The following DENND4C variants were observed in gnomAD, a reference collection of about 807,000 sequenced individuals.
DENND4C encodes the protein DENN domain-containing protein 4C.
In DENND4C, 108 loss-of-function variants were observed where a neutral mutation model predicts 203.0. The ratio of observed to expected loss-of-function variants is 0.53; its 90% CI spans 0.46 to 0.62. The LOEUF (loss-of-function observed/expected upper bound fraction) is 0.62. Ranked by LOEUF, DENND4C falls within the 20% of genes least tolerant of loss-of-function variation. The pLI is 0.00. For synonymous variants in DENND4C, 871 were observed against 792.4 expected, an observed-to-expected ratio of 1.10 and a Z score of -1.67; for missense variants, 2,481 against 2,301.2, an observed-to-expected ratio of 1.08 and a Z score of -1.60.
intron 13 of DENND4C, among the ~76,000 whole-genome samples, chr9:19,325,168 A>T (rs1843519965): frequency 6.6e-6 from 1 of 152,042 alleles, no homozygotes; most frequent in Non-Finnish European, 1.5e-5. Flanking sequence ...AAAAATGTTT[A>T]GTTTTATGGG....
chr9:19,272,557 A>G (rs115109365), intron 1 of DENND4C, among the ~76,000 whole-genome samples: 1 of 152,148 alleles, frequency 6.6e-6, no homozygotes, highest in African/African-American at 2.4e-5. Context: ...GTGCCTGGCC[A>G]GAATAGTTTT....
At chr9:19,282,261 T>A (rs1834209276) in intron 2 of DENND4C, among the ~76,000 whole-genome samples, 1 of 151,944 alleles carries the variant, frequency 6.6e-6, no homozygotes, top group Non-Finnish European at 1.5e-5. Context: ...TATTCTTTTA[T>A]TTTTTATTTT....
At chr9:19,286,192 C>T (rs866671223) in intron 2 of DENND4C, among the ~76,000 whole-genome samples, 43 of 152,142 alleles carry the variant, frequency 2.8e-4, no homozygotes, top group Middle Eastern at 3.4e-3. Flanking sequence ...ATTCATTTTT[C>T]AGTTTTCATT....
chr9:19,238,832 T>C (rs1038675426), intron 1 of DENND4C, among the ~76,000 whole-genome samples: 2 of 150,412 alleles, frequency 1.3e-5, no homozygotes, highest in African/African-American at 4.9e-5. Flanking sequence ...TTTATATTTT[T>C]AGTGGAGATG....
rs1825795909 is a variant in DENND4C at position 19,358,228 on chromosome 9, ATTC to A, written c.5160+73_5160+75del. ...CTAAGTATATAGTAGAACATTATAAATTCTTCTGTAGTGGACTTATTTTAATTA... is the reference window on the plus strand; with the variant it reads ...CTAAGTATATAGTAGAACATTATAAATTCTGTAGTGGACTTATTTTAATTA... On this transcript the variant is annotated intron_variant, in intron 28 of 32. Transcript: ENST00000434457. The surrounding 1 kb of genome is among the most constrained non-coding windows in gnomAD (Gnocchi z 4.8). 3.1e-6 allele frequency: 4 copies of A among 1,285,218 alleles called. No homozygotes were observed. The Admixed American group carries it at 9.0e-5, about 29-fold the overall frequency. The allele number at this position is 1,285,218 out of a possible 1,614,324, so 79.6% of individuals were successfully genotyped here. A position where few individuals can be genotyped will look rare whatever the true frequency, so the allele number is the denominator to read the frequency against.
chr9:19,307,291 C>T (rs1223362062), intron 10 of DENND4C, among the ~76,000 whole-genome samples: 1 of 149,084 alleles, frequency 6.7e-6, no homozygotes, highest in Non-Finnish European at 1.5e-5. Flanking sequence ...GCTACACAGG[C>T]AGCTGAGGAG....
intron 1 of DENND4C, among the ~76,000 whole-genome samples, chr9:19,250,021 G>A (rs1405352026): frequency 6.6e-6 from 1 of 152,142 alleles, no homozygotes; most frequent in African/African-American, 2.4e-5. Flanking sequence ...ATATGTGGCT[G>A]GGCGCTGTAG....
Position 19,365,613 on chromosome 9 carries a change from G to A in DENND4C, c.5524+3650G>A, listed in dbSNP as rs540906559. Among the ~76,000 whole-genome samples the A allele has an allele frequency of 3.3e-5, 5 of 150,760 alleles. No individual in the cohort carries two copies. In the East Asian group the frequency reaches 9.7e-4, roughly 29 times the overall value. On this transcript the variant is annotated intron_variant, in intron 30 of 32. Transcript: ENST00000434457. ...GTGTATCTATATTTGCAGATTATAT[G>A]ATAAATGATATTTATTTTTTCTATA... is the stretch of plus-strand genomic sequence containing the variant.
intron 1 of DENND4C, among the ~76,000 whole-genome samples, chr9:19,237,609 G>T (rs529171103): frequency 1.4e-4 from 22 of 152,036 alleles, no homozygotes; most frequent in African/African-American, 4.8e-4. Flanking sequence ...CGCCCGCCTC[G>T]ACCTCCCAAA....
At chr9:19,296,650 T>C (rs1358770524) in intron 6 of DENND4C, among the ~76,000 whole-genome samples, 2 of 152,200 alleles carry the variant, frequency 1.3e-5, no homozygotes, top group East Asian at 1.9e-4. Context: ...ACCAACTTTT[T>C]ACTTACTCCC....
rs370565593 is a variant in DENND4C, at chr9:19,358,195, A to G, written c.5160+35A>G. 3.9e-6 allele frequency: 6 copies of G among 1,536,754 alleles called. No homozygotes were observed. Among genetic ancestry groups the G allele is most frequent in the Non-Finnish European group, 3.6e-6 (4 of 1,114,048 alleles). ...AACAACAACATTGTAATTATACTGC[A>G]TACACACCTAAGTATATAGTAGAAC... On this transcript the variant is annotated intron_variant, in intron 28 of 32. Transcript: ENST00000434457. This position sits in a 1 kb window ranked among gnomAD's most constrained non-coding sequence, Gnocchi z 4.8.
At chr9:19,236,992 C>T (rs1453256177) in intron 1 of DENND4C, among the ~76,000 whole-genome samples, 1 of 152,004 alleles carries the variant, frequency 6.6e-6, no homozygotes, top group African/African-American at 2.4e-5. Context: ...CACATTTGTT[C>T]CTCTTATTAT....
chr9:19,304,299 C>A (rs1392625982), intron 9 of DENND4C, among the ~76,000 whole-genome samples: 2 of 151,284 alleles, frequency 1.3e-5, no homozygotes, highest in Non-Finnish European at 2.9e-5. Flanking sequence ...ATTCTCCTGC[C>A]CCAGCCTCCC....
rs753430120 is a variant in DENND4C, at chr9:19,369,840, C to T, written c.5528C>T (p.Ser1843Phe). Residue 1843 changes from serine to phenylalanine, a missense_variant, in exon 31 of 33, where the codon TCT (serine) becomes TTT (phenylalanine). This residue lies in a region of DENND4C where 2,289 missense variants were observed against 2,113.3 expected (regional missense o/e 1.08). Coordinates refer to ENST00000434457, the MANE Select transcript of DENND4C (RefSeq NM_001330640.2). ...CTTACTGTGTTCTTATTGTTAGATT[C>T]TGAAAAGAAATCATCTCTCCTGTCA... ...PLYVSWRNFN[S>F]EKKSSLLSEE... 2.5e-6 allele frequency: 4 copies of T among 1,570,330 alleles called. No homozygotes were observed. Among genetic ancestry groups the T allele is most frequent in the Non-Finnish European group, 2.6e-6 (3 of 1,162,526 alleles).
chr9:19,252,541 CACTCT>C (rs1194157381), intron 1 of DENND4C, among the ~76,000 whole-genome samples: 5 of 152,264 alleles, frequency 3.3e-5, no homozygotes, highest in South Asian at 2.1e-4. Context: ...ATAATGGCAC[CACTCT>C]ACTCTAGCCT....
At chr9:19,280,640 A>C (rs1833861565) in intron 2 of DENND4C, among the ~76,000 whole-genome samples, 2 of 152,070 alleles carry the variant, frequency 1.3e-5, no homozygotes, top group Non-Finnish European at 2.9e-5. Context: ...AGTTGAAGGG[A>C]AACCAGCCAG....
chr9:19,315,767 G>A lies in DENND4C; in HGVS notation c.1488-650G>A, dbSNP rs1000268513. ...GTTGCCCAAGCCTGAGTGCAGTAGC[G>A]CAATCTCGGCTCACTGCAACCTCCG... On this transcript the variant is annotated intron_variant, in intron 10 of 32. Transcript: ENST00000434457. Among the ~76,000 whole-genome samples the A allele has an allele frequency of 7.3e-5, 11 of 150,984 alleles. No homozygotes were observed. The East Asian group carries it at 1.2e-3, about 16-fold the overall frequency.
chr9:19,292,629 T>G (rs1836602347), intron 5 of DENND4C: 1 of 149,418 alleles, frequency 6.7e-6, no homozygotes. Context: ...CACTGCAACC[T>G]CCGCCTCCCG....
At chr9:19,321,027 A>T (rs1842790660) in intron 12 of DENND4C, among the ~76,000 whole-genome samples, 1 of 152,264 alleles carries the variant, frequency 6.6e-6, no homozygotes, top group Admixed American at 6.5e-5. Context: ...CAGGTTATGC[A>T]GGATCTTTTA....
Sources: allele counts gnomAD v4.1 joint callset (sites outside exome capture counted in the v4.1 genomes callset), GRCh38; gene constraint gnomAD v4.1.1; regional missense constraint gnomAD v4.1.1; non-coding constraint Gnocchi (gnomAD v3.1); transcripts MANE v1.5; gene names NCBI Gene and HGNC (gene_info 2026-07-23, HGNC 2026-07-21).